SLC14A2: variants seen among roughly 807,000 people sequenced by gnomAD.
The protein encoded by SLC14A2 is urea transporter 2.
SLC14A2 carries 91 observed loss-of-function variants against 104.6 expected under a neutral mutation model. That is an observed-to-expected ratio of 0.87 (90% CI 0.73 to 1.04). The LOEUF (loss-of-function observed/expected upper bound fraction) is 1.04, where lower values mean the gene tolerates loss of function less well. Ranked by LOEUF, SLC14A2 falls within the 50% of genes least tolerant of loss-of-function variation. The pLI is 0.00. For synonymous variants in SLC14A2, 476 were observed against 466.4 expected (o/e 1.02, Z -0.27); for missense variants, 1,189 against 1,156.0 (o/e 1.03, Z -0.41).
At chr18:45,581,500 AC>A (rs1277339811) in intron 2 of SLC14A2, among the ~76,000 whole-genome samples, 1 of 152,176 alleles carries the variant, frequency 6.6e-6, no homozygotes, top group Non-Finnish European at 1.5e-5. Flanking sequence ...AGAGAAACTC[AC>A]CACACCAAGT....
chr18:45,301,753 A>G (rs1013598952), intron 1 of SLC14A2, among the ~76,000 whole-genome samples: 1 of 152,208 alleles, frequency 6.6e-6, no homozygotes, highest in Non-Finnish European at 1.5e-5. Context: ...CATAACATCA[A>G]TTGCTCTGTT....
At chr18:45,643,300 C>A (rs531052608) in intron 9 of SLC14A2, 119 bp downstream of exon 9, 3 of 850,892 alleles carry the variant, frequency 3.5e-6, no homozygotes, top group Admixed American at 1.9e-5. Context: ...GGTGCTCACA[C>A]GACATCTCTG....
chr18:45,290,053 T>C (rs992711038), intron 1 of SLC14A2, among the ~76,000 whole-genome samples: 2 of 152,224 alleles, frequency 1.3e-5, no homozygotes, highest in Non-Finnish European at 2.9e-5. Flanking sequence ...CCCTCTCTCA[T>C]TGGCCTTTAA....
At chr18:45,202,660 C>T in the SLC14A2 span, among the ~76,000 whole-genome samples, 1 of 152,282 alleles carries the variant, frequency 6.6e-6, no homozygotes, top group Admixed American at 6.5e-5. Flanking sequence ...AACTGGACTA[C>T]AGCCTGGTTC....
intron 1 of SLC14A2, among the ~76,000 whole-genome samples, chr18:45,349,294 T>C (rs2085479450): frequency 6.6e-6 from 1 of 152,176 alleles, no homozygotes; most frequent in Non-Finnish European, 1.5e-5. Flanking sequence ...TACATAGAAA[T>C]GTTCCAGGGC....
At chr18:45,577,479 T>G (rs1198387379) in intron 2 of SLC14A2, among the ~76,000 whole-genome samples, 1 of 152,210 alleles carries the variant, frequency 6.6e-6, no homozygotes, top group Non-Finnish European at 1.5e-5. Flanking sequence ...TGAATCTGTT[T>G]TAAAACCAGC....
intron 1 of SLC14A2, among the ~76,000 whole-genome samples, chr18:45,264,285 AAC>A (rs1296462887): frequency 6.6e-6 from 1 of 152,134 alleles, no homozygotes; most frequent in Non-Finnish European, 1.5e-5. Context: ...AGTGAAAAGG[AAC>A]AGTTTTTACC....
chr18:45,278,270 G>A (rs1209157960), intron 1 of SLC14A2, among the ~76,000 whole-genome samples: 1 of 152,092 alleles, frequency 6.6e-6, no homozygotes, highest in Non-Finnish European at 1.5e-5. Flanking sequence ...GTTAAGACAG[G>A]GTTTCTCAAT....
intron 1 of SLC14A2, among the ~76,000 whole-genome samples, chr18:45,414,712 C>T (rs2086250334): frequency 7.4e-6 from 1 of 135,896 alleles, no homozygotes; most frequent in Non-Finnish European, 1.5e-5. Flanking sequence ...TGGGCCTTTT[C>T]ACATGCCAGG....
At chr18:45,343,134 T>A (rs1417565031) in intron 1 of SLC14A2, among the ~76,000 whole-genome samples, 1 of 149,284 alleles carries the variant, frequency 6.7e-6, no homozygotes, top group Non-Finnish European at 1.5e-5. Flanking sequence ...TGAAAACTGT[T>A]CTCTCTGCTT....
chr18:45,535,202 C>A (rs573083732), intron 2 of SLC14A2, among the ~76,000 whole-genome samples: 1 of 152,124 alleles, frequency 6.6e-6, no homozygotes, highest in African/African-American at 2.4e-5. Flanking sequence ...CTTCATTTGC[C>A]GGGGAAGGAG....
At chr18:45,333,117 T>C (rs536268556) in intron 1 of SLC14A2, among the ~76,000 whole-genome samples, 1 of 152,218 alleles carries the variant, frequency 6.6e-6, no homozygotes, top group South Asian at 2.1e-4. Flanking sequence ...TTTAGGGTGG[T>C]TTGTGGTTTC....
chr18:45,612,450 A>T (rs1041989154), upstream of SLC14A2, among the ~76,000 whole-genome samples: 37 of 152,368 alleles, frequency 2.4e-4, no homozygotes, highest in African/African-American at 8.9e-4. Context: ...AGATGCTCAG[A>T]CACACCCACA....
At chr18:45,589,399 T>A (rs1349354179) in intron 2 of SLC14A2, among the ~76,000 whole-genome samples, 1 of 152,176 alleles carries the variant, frequency 6.6e-6, no homozygotes, top group Non-Finnish European at 1.5e-5. Context: ...ACAAGGGCCC[T>A]TTGTTTTCAA....
intron 18 of SLC14A2, among the ~76,000 whole-genome samples, chr18:45,677,071 GAC>G (rs1395817520): frequency 6.6e-6 from 1 of 152,072 alleles, no homozygotes; most frequent in Non-Finnish European, 1.5e-5. Context: ...ACCTGAGACA[GAC>G]AGTTTTCCCT....
intron 2 of SLC14A2, among the ~76,000 whole-genome samples, chr18:45,506,601 G>T (rs1252646925): frequency 6.6e-6 from 1 of 152,188 alleles, no homozygotes; most frequent in Non-Finnish European, 1.5e-5. Context: ...GTGAAGACAG[G>T]CAGAAATTGG....
chr18:45,474,237 G>T (rs184246479), intron 1 of SLC14A2, among the ~76,000 whole-genome samples: 1 of 152,090 alleles, frequency 6.6e-6, no homozygotes, highest in African/African-American at 2.4e-5. Flanking sequence ...CCATTTGATC[G>T]TGGCGGATAA....
the SLC14A2 span, among the ~76,000 whole-genome samples, chr18:45,168,059 G>A: frequency 6.6e-6 from 1 of 152,150 alleles, no homozygotes; most frequent in African/African-American, 2.4e-5. Flanking sequence ...TAAACAGCTT[G>A]GTGGGGGAGT....
chr18:45,534,466 T>C (rs2043750434), intron 2 of SLC14A2, among the ~76,000 whole-genome samples: 1 of 152,212 alleles, frequency 6.6e-6, no homozygotes, highest in Admixed American at 6.5e-5. Flanking sequence ...TACTATACTG[T>C]GTAAGCAGGC....
Sources: allele counts gnomAD v4.1 joint callset (sites outside exome capture counted in the v4.1 genomes callset), GRCh38; gene constraint gnomAD v4.1.1; transcripts MANE v1.5; gene names NCBI Gene and HGNC (gene_info 2026-07-23, HGNC 2026-07-21).